The following ROCK2 variants were observed in gnomAD, a reference collection of about 807,000 sequenced individuals.
The protein encoded by ROCK2 is Rho associated coiled-coil containing protein kinase 2, also known as rho-associated protein kinase 2.
Under a neutral mutation model 195.1 loss-of-function variants are expected in ROCK2, and 61 were observed. That is an observed-to-expected ratio of 0.31 (90% CI 0.25 to 0.39). The LOEUF (loss-of-function observed/expected upper bound fraction) is 0.39, where lower values mean the gene tolerates loss of function less well. ROCK2 is among the 10% of genes least tolerant of loss of function. ROCK2 has a pLI of 1.00. For synonymous variants in ROCK2, 504 were observed against 545.5 expected (o/e 0.92, Z 1.06); for missense variants, 1,109 against 1,637.4 (o/e 0.68, Z 5.57).
intron 1 of ROCK2, among the ~76,000 whole-genome samples, chr2:11,302,916 G>A (rs1667750408): frequency 6.6e-6 from 1 of 151,988 alleles, no homozygotes; most frequent in South Asian, 2.1e-4. Context: ...CTATTGAACA[G>A]TATCCACTGG....
chr2:11,285,285 T>C (rs947907859), intron 3 of ROCK2, among the ~76,000 whole-genome samples: 2 of 149,680 alleles, frequency 1.3e-5, no homozygotes, highest in Middle Eastern at 3.4e-3. Flanking sequence ...AAAAAAAATG[T>C]TTAATAGGAG....
chr2:11,342,892 T>C (rs1181983814), intron 1 of ROCK2, among the ~76,000 whole-genome samples: 3 of 152,196 alleles, frequency 2.0e-5, no homozygotes, highest in Non-Finnish European at 2.9e-5. Context: ...CTGCAAACGA[T>C]GCCTGAAACC....
chr2:11,301,215 A>G (rs1342274324), intron 1 of ROCK2, among the ~76,000 whole-genome samples: 7 of 152,162 alleles, frequency 4.6e-5, no homozygotes, highest in Non-Finnish European at 1.0e-4. Context: ...TGTAATTTAC[A>G]TGTTTTAATA....
chr2:11,291,407 G>A (rs1314663345), intron 1 of ROCK2, among the ~76,000 whole-genome samples: 10 of 152,122 alleles, frequency 6.6e-5, no homozygotes, highest in South Asian at 2.1e-4. Context: ...AAAATTAGCC[G>A]CGCGTGGTGG....
chr2:11,195,583 T>C (rs1341567078), intron 27 of ROCK2, among the ~76,000 whole-genome samples: 1 of 152,202 alleles, frequency 6.6e-6, no homozygotes, highest in Admixed American at 6.5e-5. Context: ...GGCGTAATCT[T>C]GGCTCACTGC....
At chr2:11,230,145 G>A (rs1014936689) in intron 5 of ROCK2, among the ~76,000 whole-genome samples, 6 of 152,100 alleles carry the variant, frequency 3.9e-5, no homozygotes, top group African/African-American at 1.2e-4. Flanking sequence ...AGTAATGACA[G>A]TCCAGAAGCA....
At chr2:11,278,326 C>A (rs1666895051) in intron 3 of ROCK2, among the ~76,000 whole-genome samples, 1 of 152,278 alleles carries the variant, frequency 6.6e-6, no homozygotes, top group South Asian at 2.1e-4. Flanking sequence ...TCTTTCTGTG[C>A]CTGGGCTAAT....
At chr2:11,300,296 C>T (rs1001602372) in intron 1 of ROCK2, among the ~76,000 whole-genome samples, 1 of 152,146 alleles carries the variant, frequency 6.6e-6, no homozygotes, top group African/African-American at 2.4e-5. Flanking sequence ...GAGTTTCGCT[C>T]TTGTTGCCCA....
At chr2:11,236,096 A>G in intron 4 of ROCK2, 134 bp from the exon 5 acceptor site, 5 of 827,396 alleles carry the variant, frequency 6.0e-6, no homozygotes, top group Non-Finnish European at 6.9e-6. Context: ...AATTTATGAG[A>G]TCTTTTATTT....
At chr2:11,234,646 A>G (rs181138336) in intron 5 of ROCK2, 2 of 152,296 alleles carry the variant, frequency 1.3e-5, no homozygotes, top group East Asian at 3.9e-4. Context: ...AGCTGGATAG[A>G]TTAAGATAGA....
chr2:11,213,465 C>T (rs1352173428), intron 17 of ROCK2, among the ~76,000 whole-genome samples: 1 of 151,796 alleles, frequency 6.6e-6, no homozygotes, highest in East Asian at 1.9e-4. Context: ...TAACCTGATG[C>T]CTTTTTCTTT....
chr2:11,312,269 C>T (rs978532330), intron 1 of ROCK2, among the ~76,000 whole-genome samples: 2 of 152,002 alleles, frequency 1.3e-5, no homozygotes, highest in East Asian at 1.9e-4. Context: ...TAAAAAGGAG[C>T]TTTATTAAGG....
intron 1 of ROCK2, among the ~76,000 whole-genome samples, chr2:11,317,644 C>T (rs1257359377): frequency 5.6e-5 from 4 of 71,710 alleles, no homozygotes; most frequent in East Asian, 5.2e-4. Flanking sequence ...ACTTTAAGTT[C>T]TAGGGTACAT....
At chr2:11,252,271 C>T (rs1665857650) in intron 3 of ROCK2, among the ~76,000 whole-genome samples, 1 of 151,814 alleles carries the variant, frequency 6.6e-6, no homozygotes, top group African/African-American at 2.4e-5. Flanking sequence ...ATTAGCTTGG[C>T]ATGGTGGTGC....
rs181546962 is a variant in ROCK2, at chr2:11,243,311, G to A, written c.462+6350C>T. On this transcript the variant is annotated intron_variant, in intron 4 of 32. Transcript: ENST00000315872. The stretch of plus-strand genomic sequence containing the variant: ...CAGCATTTTTGGCCCAAATGTAAGC[G>A]CAATGGAAATATCCATATTTCAAAA... Among the ~76,000 whole-genome samples, 24 of 152,186 alleles carry A rather than the reference G, an allele frequency of 1.6e-4. No individual in the cohort carries two copies. The East Asian group carries it at 3.3e-3, about 21-fold the overall frequency.
intron 1 of ROCK2, among the ~76,000 whole-genome samples, chr2:11,296,268 A>G (rs1270453539): frequency 1.3e-5 from 2 of 152,194 alleles, no homozygotes; most frequent in Admixed American, 6.5e-5. Context: ...CTCTGAATAT[A>G]GAGCTATTCC....
rs150976264 is a variant in ROCK2, at chr2:11,261,016, G to A, written c.325-11218C>T. 1.7e-3 allele frequency among the ~76,000 whole-genome samples: 257 copies of A among 152,310 alleles called. 1 individual carries two copies. Among genetic ancestry groups the A allele is most frequent in the African/African-American group, 5.8e-3 (243 of 41,574 alleles). ...CACATACTTTCATTTGTGAGACTGC[G>A]TAGTGGCTGGCACAATGCTAAATTG... On this transcript the variant is annotated intron_variant, in intron 3 of 32. Coordinates refer to ENST00000315872, the MANE Select transcript of ROCK2 (RefSeq NM_004850.5).
intron 4 of ROCK2, among the ~76,000 whole-genome samples, chr2:11,239,040 C>T (rs575159042): frequency 6.6e-6 from 1 of 151,382 alleles, no homozygotes; most frequent in African/African-American, 2.4e-5. Context: ...TAGACCCTTA[C>T]CTCACACCAT....
At position 11,221,280 on chromosome 2, in the gene ROCK2, C is replaced by G; in HGVS notation, c.1177G>C (p.Asp393His). 1 of 1,593,220 alleles carries G rather than the reference C, an allele frequency of 6.3e-7. No homozygotes were observed. The highest frequency in any genetic ancestry group is 8.5e-7 in the Non-Finnish European group (1 of 1,171,868). Reference sequence around the variant, plus strand: ...TTAGGAATTGGGAAGGTTTCTACATCTCCTTTGTCATCTTCAATGTCATCG... The same window carrying G: ...TTAGGAATTGGGAAGGTTTCTACATGTCCTTTGTCATCTTCAATGTCATCG... ...NFDDIEDDKGDVETFPIPKAF... is the reference protein window; with the variant it reads ...NFDDIEDDKGHVETFPIPKAF... The change falls in exon 9 of 33, where the codon GAT (aspartate) becomes CAT (histidine). Residue 393 changes from aspartate to histidine, a missense_variant. By Grantham distance (81) the Asp-to-His change is moderately conservative. This residue lies in a region of ROCK2 where 253 missense variants were observed against 455.5 expected (regional missense o/e 0.56). Coordinates refer to ENST00000315872, the MANE Select transcript of ROCK2 (RefSeq NM_004850.5).
Sources: gnomAD v4.1 joint callset for allele counts (sites outside exome capture counted in the v4.1 genomes callset) on GRCh38, gnomAD v4.1.1 for gene constraint, gnomAD v4.1.1 regional missense constraint, MANE v1.5 for transcripts, NCBI Gene and HGNC (gene_info 2026-07-23, HGNC 2026-07-21) for gene names.